Variants in ASTN2 observed in about 807,000 individuals in gnomAD.
ASTN2 encodes the protein astrotactin 2.
ASTN2 carries 54 observed loss-of-function variants against 139.8 expected under a neutral mutation model. The ratio of observed to expected loss-of-function variants is 0.39; its 90% CI spans 0.31 to 0.48. ASTN2 has a LOEUF of 0.48. Ranked by LOEUF, ASTN2 falls within the 20% of genes least tolerant of loss-of-function variation. The probability of loss-of-function intolerance (pLI) is 0.95; values close to 1 mark genes in which losing one functional copy is unlikely to be tolerated. For missense variants in ASTN2, 1,565 were observed against 1,725.1 expected, an observed-to-expected ratio of 0.91 and a Z score of 1.64; for synonymous variants, 756 against 719.5, an observed-to-expected ratio of 1.05 and a Z score of -0.81.
intron 1 of ASTN2, among the ~76,000 whole-genome samples, chr9:117,316,568 A>G (rs1268631742): frequency 2.0e-5 from 3 of 152,172 alleles, no homozygotes. Flanking sequence ...TGAAGGAGCT[A>G]GAAGCTCTGC....
In ASTN2 at chr9:117,120,018, GTATATATA is replaced by G. The variant is rs200361826; in HGVS notation, c.1168+21300_1168+21307del. On this transcript the variant is annotated intron_variant, in intron 4 of 22. Coordinates refer to ENST00000313400, the MANE Select transcript of ASTN2 (RefSeq NM_001365068.1). ...TGTGTGTGTGTGTGTGTGTGTGTGT[GTATATATA>G]TATATATATATATATATATATATAC... is the stretch of plus-strand genomic sequence containing the variant. Among the ~76,000 whole-genome samples the G allele has an allele frequency of 5.2e-4, 24 of 45,996 alleles. 1 individual carries two copies. Among genetic ancestry groups the G allele is most frequent in the African/African-American group, 1.5e-3 (18 of 12,194 alleles). The allele number at this position is 45,996 out of a possible 152,430, so 30.2% of individuals were successfully genotyped here.
chr9:116,529,361 T>C (rs1587943079), intron 19 of ASTN2, among the ~76,000 whole-genome samples: 1 of 152,282 alleles, frequency 6.6e-6, no homozygotes, highest in Admixed American at 6.5e-5. Flanking sequence ...AGCCCCTTTG[T>C]TTTGGCCAAT....
chr9:116,529,918 C>G (rs888135150), intron 19 of ASTN2, among the ~76,000 whole-genome samples: 2 of 151,722 alleles, frequency 1.3e-5, no homozygotes, highest in African/African-American at 4.8e-5. Flanking sequence ...ATCACCCAGT[C>G]TCAGGTAGTT....
At chr9:117,387,345 A>T (rs1254495002) in intron 1 of ASTN2, among the ~76,000 whole-genome samples, 2 of 152,200 alleles carry the variant, frequency 1.3e-5, no homozygotes, top group Non-Finnish European at 2.9e-5. Context: ...GACAAACATC[A>T]AATAGAAACA....
At position 116,810,013 on chromosome 9, in the gene ASTN2, G is replaced by A. The variant is rs765885345; in HGVS notation, c.2208-4193C>T. Among the ~76,000 whole-genome samples, 14 of 152,138 alleles carry A rather than the reference G, an allele frequency of 9.2e-5. No homozygotes were observed. The South Asian group carries it at 1.2e-3, about 14-fold the overall frequency. On this transcript the variant is annotated intron_variant, in intron 12 of 22. Coordinates refer to ENST00000313400, the MANE Select transcript of ASTN2 (RefSeq NM_001365068.1). The stretch of plus-strand genomic sequence containing the variant: ...GTTATGGCAAGCTTGGAGACCATGC[G>A]TTCCCGATGCATTCTACAGGATGGA...
At chr9:116,560,605 T>C (rs1852855183) in intron 19 of ASTN2, among the ~76,000 whole-genome samples, 1 of 152,194 alleles carries the variant, frequency 6.6e-6, no homozygotes, top group African/African-American at 2.4e-5. Flanking sequence ...TTCTGGATGG[T>C]TCTTCCTTAT....
intron 19 of ASTN2, among the ~76,000 whole-genome samples, chr9:116,533,916 G>C (rs1357571587): frequency 1.3e-5 from 2 of 152,192 alleles, no homozygotes; most frequent in African/African-American, 4.8e-5. Flanking sequence ...CTACTGATTG[G>C]AATAGTTTCA....
intron 13 of ASTN2, among the ~76,000 whole-genome samples, chr9:116,748,810 T>A (rs571960344): frequency 6.6e-6 from 1 of 152,312 alleles, no homozygotes; most frequent in African/African-American, 2.4e-5. Flanking sequence ...AATAACTTGC[T>A]GTGTGATCTT....
chr9:116,963,154 T>C (rs1835916710), intron 10 of ASTN2, among the ~76,000 whole-genome samples: 1 of 152,214 alleles, frequency 6.6e-6, no homozygotes, highest in South Asian at 2.1e-4. Context: ...TTTTGCAGCA[T>C]GAACATAGCA....
At chr9:117,362,973 G>T (rs1829734134) in intron 1 of ASTN2, among the ~76,000 whole-genome samples, 1 of 152,050 alleles carries the variant, frequency 6.6e-6, no homozygotes, top group Admixed American at 6.5e-5. Context: ...TACCCTCTTG[G>T]TGTGTGTGTA....
At chr9:117,328,340 G>C (rs901818978) in intron 1 of ASTN2, among the ~76,000 whole-genome samples, 1 of 152,096 alleles carries the variant, frequency 6.6e-6, no homozygotes, top group African/African-American at 2.4e-5. Flanking sequence ...AGCCTAGGAG[G>C]ATAGAATACC....
chr9:117,151,004 G>A (rs1220483217), intron 3 of ASTN2, among the ~76,000 whole-genome samples: 1 of 152,000 alleles, frequency 6.6e-6, no homozygotes, highest in African/African-American at 2.4e-5. Flanking sequence ...CCTAGTCAGA[G>A]AATGAGTACA....
intron 5 of ASTN2, among the ~76,000 whole-genome samples, chr9:117,093,485 A>G (rs1828757578): frequency 1.3e-5 from 2 of 152,216 alleles, no homozygotes; most frequent in African/African-American, 4.8e-5. Context: ...ACCCACCACC[A>G]GAATCCATGC....
intron 3 of ASTN2, among the ~76,000 whole-genome samples, chr9:117,150,880 A>T (rs879102284): frequency 1.3e-5 from 2 of 152,032 alleles, no homozygotes; most frequent in Admixed American, 1.3e-4. Flanking sequence ...TTTTAAAATT[A>T]TTTGTAGAGA....
chr9:117,156,843 A>G (rs1830443618), intron 3 of ASTN2, among the ~76,000 whole-genome samples: 1 of 152,064 alleles, frequency 6.6e-6, no homozygotes, highest in Admixed American at 6.6e-5. Flanking sequence ...ACTGTGGTTT[A>G]GTAGTTGTAG....
intron 6 of ASTN2, among the ~76,000 whole-genome samples, chr9:117,025,787 T>C (rs917928130): frequency 3.5e-4 from 50 of 143,632 alleles, no homozygotes; most frequent in Non-Finnish European, 5.6e-4. Flanking sequence ...TTTTCTTTTT[T>C]CTTTTCTTTT....
chr9:116,618,385 G>A lies in ASTN2; in HGVS notation c.3294C>T (p.Val1098=). 1.9e-6 allele frequency: 3 copies of A among 1,614,122 alleles called. No individual in the cohort carries two copies. The highest frequency in any genetic ancestry group is 4.5e-5 in the East Asian group (2 of 44,880). ...VDVQPAIGTK[V]SDYILQHKKV... ...TCTTATGCTGCAGAATATAGTCGGA[G>A]ACCTTGGTCCCAATAGCTGGCTGAA... is the stretch of plus-strand genomic sequence containing the variant. The change falls in exon 19 of 23, where the codon GTC becomes GTT. Residue 1098 remains valine, a synonymous_variant. Transcript: ENST00000313400.
chr9:116,718,794 G>T (rs1245533194), intron 16 of ASTN2, among the ~76,000 whole-genome samples: 1 of 151,736 alleles, frequency 6.6e-6, no homozygotes, highest in Non-Finnish European at 1.5e-5. Context: ...TATAGCATTG[G>T]CTCTCCCACT....
intron 10 of ASTN2, among the ~76,000 whole-genome samples, chr9:116,951,181 T>C (rs1046606756): frequency 2.0e-5 from 3 of 151,470 alleles, no homozygotes; most frequent in African/African-American, 7.3e-5. Flanking sequence ...CTACTAAAAA[T>C]ACAAAATTAG....
Sources: allele counts gnomAD v4.1 joint callset (sites outside exome capture counted in the v4.1 genomes callset), GRCh38; gene constraint gnomAD v4.1.1; transcripts MANE v1.5; gene names NCBI Gene and HGNC (gene_info 2026-07-23, HGNC 2026-07-21).